RBM11: variants seen among roughly 807,000 people sequenced by gnomAD.
RBM11 encodes splicing regulator RBM11.
In RBM11, 18 loss-of-function variants were observed where a neutral mutation model predicts 21.4. The ratio of observed to expected loss-of-function variants is 0.84; its 90% CI spans 0.58 to 1.25. RBM11 has a LOEUF of 1.25. RBM11 is among the 50% of genes most tolerant of loss of function. The probability of loss-of-function intolerance (pLI) is 0.00; values close to 1 mark genes in which losing one functional copy is unlikely to be tolerated. For synonymous variants in RBM11, 120 were observed against 116.3 expected, an observed-to-expected ratio of 1.03 and a Z score of -0.20; for missense variants, 294 against 331.9, an observed-to-expected ratio of 0.89 and a Z score of 0.89.
At chr21:14,216,375 C>G (rs914079986) in intron 1 of RBM11, 93 bp downstream of exon 1, 2 of 1,015,150 alleles carry the variant, frequency 2.0e-6, no homozygotes, top group African/African-American at 3.2e-5. Context: ...GGCCCCCTTC[C>G]GTCCCATCCT....
intron 1 of RBM11, 59 bp downstream of exon 1, chr21:14,216,341 G>A: frequency 2.0e-6 from 3 of 1,482,582 alleles, no homozygotes; most frequent in South Asian, 2.3e-5. Context: ...GAAACATAGC[G>A]CGCACCTGGA....
intron 3 of RBM11, chr21:14,221,440 A>C: frequency 3.8e-6 from 1 of 259,742 alleles, no homozygotes; most frequent in Non-Finnish European, 7.1e-6. Context: ...AAATCATTTA[A>C]GCATACAAGG....
At chr21:14,223,180 A>G (rs1408041024) in intron 3 of RBM11, among the ~76,000 whole-genome samples, 2 of 152,226 alleles carry the variant, frequency 1.3e-5, no homozygotes, top group Admixed American at 6.5e-5. Context: ...TATTTTGGAT[A>G]TGACATTTCA....
intron 4 of RBM11, 142 bp from the exon 5 acceptor site, chr21:14,226,738 C>A: frequency 8.8e-7 from 1 of 1,140,642 alleles, no homozygotes; most frequent in Non-Finnish European, 1.2e-6. Context: ...ACCTACCTTT[C>A]TACTATGAGA....
chr21:14,223,758 C>T (rs1978863222), intron 3 of RBM11, among the ~76,000 whole-genome samples: 1 of 152,098 alleles, frequency 6.6e-6, no homozygotes, highest in Non-Finnish European at 1.5e-5. Flanking sequence ...AGGCTATGCC[C>T]TCATGTATAT....
Position 14,221,141 on chromosome 21 carries a change from T to G in RBM11, c.304T>G (p.Cys102Gly). 6.3e-7 allele frequency: 1 copy of G among 1,575,788 alleles called. No individual in the cohort carries two copies. The highest frequency in any genetic ancestry group is 8.6e-7 in the Non-Finnish European group (1 of 1,159,490). ...ACCAGCTAACCAAAGTTTTGAGAGC[T>G]GTGTTAAGATAAATTCACACAACTA... ...SEPANQSFESCVKINSHNYRN... is the reference protein window; with the variant it reads ...SEPANQSFESGVKINSHNYRN... The change falls in exon 3 of 5, where the codon TGT (cysteine) becomes GGT (glycine). Residue 102 changes from cysteine (C) to glycine (G), a missense_variant. Physicochemically the swap from Cys to Gly is radical, Grantham distance 159. Transcript: ENST00000400577.
rs1978936583 is a variant in RBM11 at position 14,224,506 on chromosome 21, T to C, written c.401T>C (p.Leu134Ser). ...MQYFPINNTS[L>S]PQEYFLFQKM... Reference sequence around the variant, plus strand: ...TATTTTCCAATTAATAATACTTCTTTACCTCAAGAATATTTTCTCTTTCAG... The same window carrying C: ...TATTTTCCAATTAATAATACTTCTTCACCTCAAGAATATTTTCTCTTTCAG... Residue 134 changes from leucine to serine, a missense_variant, in exon 4 of 5, where the codon TTA becomes TCA. Coordinates refer to ENST00000400577, the MANE Select transcript of RBM11 (RefSeq NM_144770.5). 6.4e-7 allele frequency: 1 copy of C among 1,556,676 alleles called. No homozygotes were observed. The highest frequency in any genetic ancestry group is 8.7e-7 in the Non-Finnish European group (1 of 1,149,286).
chr21:14,221,012 A>G, intron 2 of RBM11, 85 bp from the exon 3 acceptor site: 1 of 1,369,116 alleles, frequency 7.3e-7, no homozygotes, highest in Non-Finnish European at 9.8e-7. Context: ...ACGTCCTAAA[A>G]TATTTTGAGT....
chr21:14,227,576 A>G lies in RBM11; in HGVS notation c.*283A>G. The G allele has an allele frequency of 2.7e-6, 1 of 364,128 alleles. No homozygotes were observed. Among genetic ancestry groups the G allele is most frequent in the Admixed American group, 4.5e-5 (1 of 22,274 alleles). The allele number at this position is 364,128 out of a possible 1,614,324, so 22.6% of individuals were successfully genotyped here. On this transcript the variant is annotated 3_prime_UTR_variant, in exon 5 of 5. Coordinates refer to ENST00000400577, the MANE Select transcript of RBM11 (RefSeq NM_144770.5). ...AGTACCAATGATGAAATTTCACCAAACTATTAATCAAAAGTCACTTATTGA... is the reference window on the plus strand; with the variant it reads ...AGTACCAATGATGAAATTTCACCAAGCTATTAATCAAAAGTCACTTATTGA...
chr21:14,223,582 G>C (rs187862788), intron 3 of RBM11, among the ~76,000 whole-genome samples: 203 of 151,164 alleles, frequency 1.3e-3, no homozygotes, highest in Non-Finnish European at 2.4e-3. Context: ...TTTTCAGCCT[G>C]TAGAAGCATT....
At chr21:14,224,634 G>T in intron 4 of RBM11, 97 bp downstream of exon 4, 6 of 1,437,334 alleles carry the variant, frequency 4.2e-6, no homozygotes, top group Non-Finnish European at 5.5e-6. Flanking sequence ...ATCTAAACTG[G>T]GATGAAGGCA....
At chr21:14,220,949 G>T (rs1016977187) in intron 2 of RBM11, 148 bp from the exon 3 acceptor site, 3 of 624,676 alleles carry the variant, frequency 4.8e-6, no homozygotes, top group Non-Finnish European at 7.8e-6. Flanking sequence ...TATGATTTGA[G>T]AGGTCAGATA....
intron 4 of RBM11, among the ~76,000 whole-genome samples, chr21:14,225,055 C>CGCAGT (rs1371035740): frequency 2.6e-5 from 4 of 151,534 alleles, no homozygotes; most frequent in African/African-American, 9.7e-5. Context: ...AGGTGGAGGT[C>CGCAGT]GCAGTGAGCC....
At chr21:14,221,223 A>C in intron 3 of RBM11, 54 bp downstream of exon 3, 1 of 1,491,008 alleles carries the variant, frequency 6.7e-7, no homozygotes, top group Non-Finnish European at 8.9e-7. Flanking sequence ...TTTTATGCCA[A>C]GAGGAGTTTT....
Position 14,221,030 on chromosome 21 carries a change from T to C in RBM11, c.260-67T>C. 2.1e-6 allele frequency: 3 copies of C among 1,447,700 alleles called. No homozygotes were observed. In the South Asian group the frequency reaches 4.0e-5, roughly 19 times the overall value. The allele number at this position is 1,447,700 out of a possible 1,614,324, so 89.7% of individuals were successfully genotyped here. On this transcript the variant is annotated intron_variant, in intron 2 of 4. Coordinates refer to ENST00000400577, the MANE Select transcript of RBM11 (RefSeq NM_144770.5). The stretch of plus-strand genomic sequence containing the variant: ...TCCTAAAATATTTTGAGTCATTTTA[T>C]GGTTTAATATTACAACTCAAAAAAA...
chr21:14,222,493 G>A (rs1428941316), intron 3 of RBM11, among the ~76,000 whole-genome samples: 2 of 151,968 alleles, frequency 1.3e-5, no homozygotes, highest in Admixed American at 6.6e-5. Flanking sequence ...CTGAACATTG[G>A]AGAGTGGCCC....
intron 4 of RBM11, 135 bp from the exon 5 acceptor site, chr21:14,226,745 G>A: frequency 8.3e-7 from 1 of 1,203,148 alleles, no homozygotes; most frequent in African/African-American, 1.5e-5. Flanking sequence ...TTTCTACTAT[G>A]AGAGGTCACT....
intron 4 of RBM11, among the ~76,000 whole-genome samples, chr21:14,225,672 CCTTTT>C (rs1979027892): frequency 6.6e-6 from 1 of 151,738 alleles, no homozygotes; most frequent in African/African-American, 2.4e-5. Context: ...AAAAAAAAAC[CCTTTT>C]CTTAACTATG....
intron 4 of RBM11, 139 bp downstream of exon 4, chr21:14,224,676 T>TTAGG: frequency 8.0e-7 from 1 of 1,256,344 alleles, no homozygotes; most frequent in Non-Finnish European, 1.1e-6. Context: ...TCCAGTGGTG[T>TTAGG]CCTGGCCTAA....
Sources: allele counts gnomAD v4.1 joint callset (sites outside exome capture counted in the v4.1 genomes callset), GRCh38; gene constraint gnomAD v4.1.1; transcripts MANE v1.5; gene names NCBI Gene and HGNC (gene_info 2026-07-23, HGNC 2026-07-21).